Variants in ANK2 observed in about 807,000 individuals in gnomAD.
ANK2 encodes ankyrin-2.
A neutral mutation model predicts 360.5 loss-of-function variants in ANK2; 83 were observed. The ratio of observed to expected loss-of-function variants is 0.23; its 90% CI spans 0.19 to 0.28. The LOEUF (loss-of-function observed/expected upper bound fraction) is 0.28, where lower values mean the gene tolerates loss of function less well. Among genes scored for constraint, ANK2 ranks in the 10% least tolerant of loss-of-function variants. The pLI is 1.00. For synonymous variants in ANK2, 1,740 were observed against 1,759.5 expected (o/e 0.99, Z 0.28); for missense variants, 4,201 against 4,795.7 (o/e 0.88, Z 3.66).
At chr4:113,375,839 G>T (rs1325533478) in intron 45 of ANK2, among the ~76,000 whole-genome samples, 1 of 152,180 alleles carries the variant, frequency 6.6e-6, no homozygotes, top group East Asian at 1.9e-4. Flanking sequence ...AGTTAATTTG[G>T]AAGTGAAACT....
intron 29 of ANK2, 79 bp downstream of exon 29, chr4:113,333,287 G>A: frequency 6.7e-7 from 1 of 1,489,144 alleles, no homozygotes; most frequent in Non-Finnish European, 9.3e-7. Flanking sequence ...ATGACCTAGG[G>A]GTGTGTGTAT....
In ANK2 at chr4:113,365,111, A is replaced by T. The variant is rs2154053225; in HGVS notation, c.10961A>T (p.Glu3654Val). Reference protein sequence around the residue: ...DIVHLMETNTEPLQERISHSY... With the variant: ...DIVHLMETNTVPLQERISHSY... Reference sequence around the variant, plus strand: ...GTTCATCTCATGGAGACCAACACAGAACCTCTCCAGGAGCGCATCAGTCAT... The same window carrying T: ...GTTCATCTCATGGAGACCAACACAGTACCTCTCCAGGAGCGCATCAGTCAT... The change falls in exon 41 of 46, where the codon GAA becomes GTA. Residue 3654 changes from glutamate to valine, a missense_variant. By Grantham distance (121) the Glu-to-Val change is moderately radical. Coordinates refer to ENST00000357077, the MANE Select transcript of ANK2 (RefSeq NM_001148.6). 6.2e-7 allele frequency: 1 copy of T among 1,614,068 alleles called. No homozygotes were observed. Among genetic ancestry groups the T allele is most frequent in the South Asian group, 1.1e-5 (1 of 91,076 alleles).
chr4:113,152,967 C>A (rs2097150401), intron 1 of ANK2, among the ~76,000 whole-genome samples: 2 of 152,028 alleles, frequency 1.3e-5, no homozygotes, highest in African/African-American at 2.4e-5. Context: ...TGGCTTTGAG[C>A]TAATGAATTG....
At chr4:113,334,790 T>G (rs2093255351) in intron 29 of ANK2, among the ~76,000 whole-genome samples, 1 of 129,720 alleles carries the variant, frequency 7.7e-6, no homozygotes, top group Non-Finnish European at 1.6e-5. Context: ...TTAATTAATC[T>G]ATTACTAGAA....
chr4:112,796,586 G>A, the ANK2 span, among the ~76,000 whole-genome samples: 8 of 151,222 alleles, frequency 5.3e-5, no homozygotes, highest in South Asian at 6.3e-4. Flanking sequence ...CTGGCCTCAA[G>A]CAATCCTCTC....
chr4:112,982,078 A>T (rs910451684), intron 2 of ANK2, among the ~76,000 whole-genome samples: 3 of 152,228 alleles, frequency 2.0e-5, no homozygotes, highest in Non-Finnish European at 4.4e-5. Context: ...AATGTTTAAA[A>T]AAAGCTTCAG....
Position 113,355,242 on chromosome 4 carries a change from G to T in ANK2, c.6624G>T (p.Glu2208Asp). The change falls in exon 38 of 46, where the codon GAG becomes GAT. Residue 2208 changes from glutamate (E) to aspartate (D), a missense_variant. Around this residue, in one of 4 missense-constraint regions of ANK2, gnomAD observed 2,642 missense variants for 2,714.5 expected, o/e 0.97. Transcript: ENST00000357077. ...GCAGTTCTGAAAGCCTAAAGAATGAGGGGGTAGCCGGCTCTCCGTGTGGCA... is the reference window on the plus strand; with the variant it reads ...GCAGTTCTGAAAGCCTAAAGAATGATGGGGTAGCCGGCTCTCCGTGTGGCA... ...LDGSSESLKNEGVAGSPCGSL... is the reference protein window; with the variant it reads ...LDGSSESLKNDGVAGSPCGSL... 6.2e-7 allele frequency: 1 copy of T among 1,614,122 alleles called. No individual in the cohort carries two copies. The highest frequency in any genetic ancestry group is 8.5e-7 in the Non-Finnish European group (1 of 1,179,974).
chr4:113,365,189 CTG>C lies in ANK2; in HGVS notation c.11032+17_11032+18del, dbSNP rs749676836. 21 of 1,561,386 alleles carry C rather than the reference CTG, an allele frequency of 1.3e-5. No homozygotes were observed. In the African/African-American group the frequency reaches 2.0e-4, roughly 15 times the overall value. On this transcript the variant is annotated splice_region_variant and intron_variant, in intron 41 of 45. Transcript: ENST00000357077. Reference sequence around the variant, plus strand: ...ACACTGGATCATAGTGAAGGTCAAACTGTGTGTGTGTATGTGTGTGTGTGTGT... The same window carrying C: ...ACACTGGATCATAGTGAAGGTCAAACTGTGTGTGTATGTGTGTGTGTGTGT...
chr4:113,099,479 A>G (rs186485252), intron 1 of ANK2, among the ~76,000 whole-genome samples: 1 of 152,156 alleles, frequency 6.6e-6, no homozygotes, highest in Admixed American at 6.5e-5. Context: ...CTATAATGAA[A>G]GAAACCAAAG....
chr4:113,300,541 G>A (rs773556591), intron 22 of ANK2, among the ~76,000 whole-genome samples: 6 of 152,168 alleles, frequency 3.9e-5, no homozygotes, highest in East Asian at 1.9e-4. Flanking sequence ...CACACAGTGC[G>A]TAGTGTATGA....
chr4:112,903,414 G>A (rs772696064), intron 1 of ANK2, among the ~76,000 whole-genome samples: 5 of 152,172 alleles, frequency 3.3e-5, no homozygotes, highest in Admixed American at 6.5e-5. Flanking sequence ...GCTATAATTG[G>A]TCCAGGGATC....
Position 113,007,865 on chromosome 4 carries a change from T to C in ANK2, c.21+103351T>C, listed in dbSNP as rs147633433. On this transcript the variant is annotated intron_variant, in intron 2 of 30. Transcript: ENST00000503271. Reference sequence around the variant, plus strand: ...AAACTCAATATGAAACCATATTGTATTGTGGTAGAGATATGGCAGCAAAAA... The same window carrying C: ...AAACTCAATATGAAACCATATTGTACTGTGGTAGAGATATGGCAGCAAAAA... Among the ~76,000 whole-genome samples the C allele has an allele frequency of 1.6e-3, 239 of 152,272 alleles. 2 individuals are homozygous for C. Among genetic ancestry groups the C allele is most frequent in the African/African-American group, 5.5e-3 (227 of 41,550 alleles).
At chr4:112,764,781 C>G in the ANK2 span, among the ~76,000 whole-genome samples, 2 of 149,042 alleles carry the variant, frequency 1.3e-5, no homozygotes, top group Admixed American at 6.7e-5. Context: ...GATCTCAGCT[C>G]ACCACAACCT....
chr4:113,128,927 A>G (rs2095839121), intron 1 of ANK2, among the ~76,000 whole-genome samples: 1 of 152,214 alleles, frequency 6.6e-6, no homozygotes, highest in Non-Finnish European at 1.5e-5. Flanking sequence ...GAGCAAACCT[A>G]GCCTGCATCT....
intron 2 of ANK2, among the ~76,000 whole-genome samples, chr4:112,953,796 T>G (rs1358129325): frequency 3.9e-5 from 6 of 152,178 alleles, no homozygotes; most frequent in African/African-American, 1.4e-4. Flanking sequence ...GCTTGGTGGT[T>G]TAATAAGCAT....
At chr4:112,876,736 A>C (rs2075239578) in intron 1 of ANK2, among the ~76,000 whole-genome samples, 1 of 152,142 alleles carries the variant, frequency 6.6e-6, no homozygotes, top group Non-Finnish European at 1.5e-5. Context: ...CTTGCAGCCA[A>C]AGAAGAAGTA....
intron 1 of ANK2, among the ~76,000 whole-genome samples, chr4:112,868,731 ATG>A (rs2071634296): frequency 6.6e-6 from 1 of 152,192 alleles, no homozygotes; most frequent in Non-Finnish European, 1.5e-5. Context: ...CAAAATGAAA[ATG>A]AGATATATTT....
At chr4:112,994,648 C>A (rs1472004680) in intron 2 of ANK2, among the ~76,000 whole-genome samples, 2 of 152,116 alleles carry the variant, frequency 1.3e-5, no homozygotes, top group Non-Finnish European at 1.5e-5. Flanking sequence ...CATGTGCAAT[C>A]TTGTTACATG....
chr4:113,093,411 G>A (rs2089528518), intron 1 of ANK2, among the ~76,000 whole-genome samples: 3 of 151,878 alleles, frequency 2.0e-5, no homozygotes, highest in South Asian at 4.2e-4. Flanking sequence ...ACCCAGGCTG[G>A]AGTGCAGTGG....
Sources: gnomAD v4.1 joint callset for allele counts (sites outside exome capture counted in the v4.1 genomes callset) on GRCh38, gnomAD v4.1.1 for gene constraint, gnomAD v4.1.1 regional missense constraint, MANE v1.5 for transcripts, NCBI Gene and HGNC (gene_info 2026-07-23, HGNC 2026-07-21) for gene names.